GALNT13: variants seen among roughly 807,000 people sequenced by gnomAD.
GALNT13 encodes the protein polypeptide N-acetylgalactosaminyltransferase 13.
GALNT13 carries 28 observed loss-of-function variants against 64.2 expected under a neutral mutation model. The ratio of observed to expected loss-of-function variants is 0.44; its 90% CI spans 0.32 to 0.60. The LOEUF is 0.60. GALNT13 is among the 20% of genes least tolerant of loss of function. The pLI, the probability that GALNT13 is intolerant of heterozygous loss-of-function variation, is 0.05. For missense variants in GALNT13, 577 were observed against 669.8 expected, an observed-to-expected ratio of 0.86 and a Z score of 1.53; for synonymous variants, 214 against 224.6, an observed-to-expected ratio of 0.95 and a Z score of 0.42.
intron 8 of GALNT13, among the ~76,000 whole-genome samples, chr2:154,293,867 G>A (rs960530401): frequency 3.9e-5 from 6 of 152,054 alleles, no homozygotes; most frequent in African/African-American, 1.4e-4. Context: ...TTACCGTGGA[G>A]TCTAAATATA....
chr2:153,394,702 TTC>T, the GALNT13 span, among the ~76,000 whole-genome samples: 20 of 152,166 alleles, frequency 1.3e-4, no homozygotes, highest in African/African-American at 4.6e-4. Flanking sequence ...CATAATGTCT[TTC>T]CAACCATAAG....
At chr2:153,396,433 T>A in the GALNT13 span, among the ~76,000 whole-genome samples, 1 of 151,960 alleles carries the variant, frequency 6.6e-6, no homozygotes, top group African/African-American at 2.4e-5. Flanking sequence ...AAAGTGCTGG[T>A]CAAGGATTGT....
chr2:153,180,872 G>A, the GALNT13 span, among the ~76,000 whole-genome samples: 1 of 151,470 alleles, frequency 6.6e-6, no homozygotes, highest in African/African-American at 2.4e-5. Flanking sequence ...TATTTCTGTA[G>A]TATCAGTTGT....
chr2:153,428,982 A>G, the GALNT13 span, among the ~76,000 whole-genome samples: 9 of 152,142 alleles, frequency 5.9e-5, no homozygotes, highest in Middle Eastern at 0.01. Flanking sequence ...TCTTCTTCCT[A>G]CCCTGGTTTA....
chr2:153,436,230 CA>C, the GALNT13 span, among the ~76,000 whole-genome samples: 2 of 152,264 alleles, frequency 1.3e-5, no homozygotes, highest in Admixed American at 1.3e-4. Context: ...TTCGTTTTGC[CA>C]GTATTTTATT....
the GALNT13 span, among the ~76,000 whole-genome samples, chr2:153,752,000 G>T: frequency 6.6e-6 from 1 of 151,256 alleles, no homozygotes; most frequent in Non-Finnish European, 1.5e-5. Flanking sequence ...TTCATTGTAT[G>T]TTTTTTGGTT....
the GALNT13 span, among the ~76,000 whole-genome samples, chr2:153,817,263 T>C: frequency 2.0e-5 from 3 of 152,216 alleles, no homozygotes; most frequent in Non-Finnish European, 4.4e-5. Flanking sequence ...GTTTACCCAC[T>C]GACAAAGACT....
the GALNT13 span, among the ~76,000 whole-genome samples, chr2:153,476,926 T>C: frequency 6.6e-6 from 1 of 151,662 alleles, no homozygotes; most frequent in Non-Finnish European, 1.5e-5. Flanking sequence ...CTGGCTGACG[T>C]TGGTTAGGGT....
At chr2:153,096,430 G>A in the GALNT13 span, among the ~76,000 whole-genome samples, 2 of 152,068 alleles carry the variant, frequency 1.3e-5, no homozygotes, top group Non-Finnish European at 2.9e-5. Context: ...TGATTTTTCT[G>A]TTTTGAAGAT....
the GALNT13 span, among the ~76,000 whole-genome samples, chr2:153,260,118 A>G: frequency 6.6e-6 from 1 of 151,276 alleles, no homozygotes; most frequent in Non-Finnish European, 1.5e-5. Context: ...TTTTCCCTCC[A>G]CTTTTTAACT....
At chr2:153,966,483 A>T (rs1455481468) in intron 3 of GALNT13, among the ~76,000 whole-genome samples, 1 of 151,344 alleles carries the variant, frequency 6.6e-6, no homozygotes, top group African/African-American at 2.4e-5. Context: ...CTCCTGCCTC[A>T]GCCTCCCAAG....
chr2:153,903,853 C>G (rs1472882786), intron 2 of GALNT13, among the ~76,000 whole-genome samples: 1 of 151,966 alleles, frequency 6.6e-6, no homozygotes, highest in Non-Finnish European at 1.5e-5. Context: ...GTAACCATCC[C>G]ACAGGTCAAG....
At chr2:153,396,554 T>C in the GALNT13 span, among the ~76,000 whole-genome samples, 1 of 152,068 alleles carries the variant, frequency 6.6e-6, no homozygotes, top group Non-Finnish European at 1.5e-5. Flanking sequence ...ATGTAATGTG[T>C]ATAAAATAAT....
chr2:154,254,725 C>T, intron 7 of GALNT13, among the ~76,000 whole-genome samples: 1 of 152,082 alleles, frequency 6.6e-6, no homozygotes, highest in East Asian at 1.9e-4. Context: ...ATGATGTACA[C>T]ACTGAACAGA....
chr2:154,014,635 C>CATTTTTTTTTTTTTTTTTTTTTTTTTTT (rs1696876703), intron 3 of GALNT13, among the ~76,000 whole-genome samples: 1 of 77,226 alleles, frequency 1.3e-5, no homozygotes, highest in African/African-American at 4.5e-5. Context: ...GATAATTCTC[C>CATTTTTTTTTTTTTTTTTTTTTTTTTTT]TTTTTTTTTT....
intron 4 of GALNT13, among the ~76,000 whole-genome samples, chr2:154,154,119 C>G (rs1684253779): frequency 6.6e-6 from 1 of 152,108 alleles, no homozygotes. Flanking sequence ...GTTTTGTTCC[C>G]TATATTTTTG....
downstream of GALNT13, among the ~76,000 whole-genome samples, chr2:154,456,019 G>C (rs1190865485): frequency 6.6e-6 from 1 of 152,070 alleles, no homozygotes; most frequent in Non-Finnish European, 1.5e-5. Flanking sequence ...TTAAAAATGA[G>C]ATTTTCATCA....
the GALNT13 span, among the ~76,000 whole-genome samples, chr2:153,588,622 G>A: frequency 1.3e-5 from 2 of 152,224 alleles, no homozygotes; most frequent in Non-Finnish European, 2.9e-5. Context: ...CTCCAGGCCT[G>A]TGATTGGAGG....
At chr2:154,292,339 C>T (rs1458262524) in intron 8 of GALNT13, among the ~76,000 whole-genome samples, 1 of 152,050 alleles carries the variant, frequency 6.6e-6, no homozygotes, top group African/African-American at 2.4e-5. Context: ...TATTAAATTC[C>T]TCTCTATTTC....
Sources: allele counts gnomAD v4.1 joint callset (sites outside exome capture counted in the v4.1 genomes callset), GRCh38; gene constraint gnomAD v4.1.1; transcripts MANE v1.5; gene names NCBI Gene and HGNC (gene_info 2026-07-23, HGNC 2026-07-21).